The following PCDHGA3 variants were observed in gnomAD, a reference collection of about 807,000 sequenced individuals.
The protein encoded by PCDHGA3 is protocadherin gamma-A3.
Under a neutral mutation model 58.5 loss-of-function variants are expected in PCDHGA3, and 40 were observed. The ratio of observed to expected loss-of-function variants is 0.68; its 90% confidence interval spans 0.53 to 0.89. The LOEUF (loss-of-function observed/expected upper bound fraction) is 0.89, where lower values mean the gene tolerates loss of function less well. Among genes scored for constraint, PCDHGA3 ranks in the 40% least tolerant of loss-of-function variants. PCDHGA3 has a pLI of 0.00. For missense variants in PCDHGA3, 1,223 were observed against 1,195.9 expected (o/e 1.02, Z -0.33); for synonymous variants, 530 against 525.7 (o/e 1.01, Z -0.11).
chr5:141,478,560 A>G, intron 1 of PCDHGA3: 1 of 1,598,736 alleles, frequency 6.3e-7, no homozygotes, highest in Non-Finnish European at 8.5e-7. Flanking sequence ...AGGTTTAGCA[A>G]GTCATGCTTG....
rs1027897777 is a variant in PCDHGA3, at chr5:141,510,812, C to T, written c.2573-135C>T. 151 of 1,531,674 alleles carry T rather than the reference C, an allele frequency of 9.9e-5. 1 individual carries two copies. The highest frequency in any genetic ancestry group is 2.5e-5 in the South Asian group (2 of 80,152). 94.9% of individuals were successfully genotyped at this position (1,531,674 alleles called of 1,614,324 possible). A position where few individuals can be genotyped will look rare whatever the true frequency, so the allele number is the denominator to read the frequency against. On this transcript the variant is annotated intron_variant, in intron 3 of 3. Coordinates refer to ENST00000253812, the MANE Select transcript of PCDHGA3 (RefSeq NM_018916.4). ...TGTGAAGAGAGACTACCTTGGTGAC[C>T]CCTATATTCCCAGTGCTCAGCGTGG...
intron 1 of PCDHGA3, chr5:141,362,062 C>G (rs1392359513): frequency 6.2e-7 from 1 of 1,612,314 alleles, no homozygotes; most frequent in African/African-American, 1.3e-5. Context: ...CCAGCGCCTG[C>G]TGGTCGCTGT....
intron 1 of PCDHGA3, chr5:141,410,011 G>T (rs2095347816): frequency 6.2e-7 from 1 of 1,613,184 alleles, no homozygotes; most frequent in South Asian, 1.1e-5. Context: ...ACAACGCCTG[G>T]CTGTCCTACC....
At chr5:141,403,172 C>G (rs1230059414) in intron 1 of PCDHGA3, 13 of 1,613,900 alleles carry the variant, frequency 8.1e-6, no homozygotes, top group Non-Finnish European at 1.1e-5. Flanking sequence ...TAGGACGCAG[C>G]TTTTCTCTCT....
At chr5:141,419,542 G>C (rs771168003) in intron 1 of PCDHGA3, 3 of 1,612,016 alleles carry the variant, frequency 1.9e-6, no homozygotes, top group South Asian at 2.2e-5. Flanking sequence ...ACGCACCGCG[G>C]GTGCTGTACC....
rs1446853595 is a variant in PCDHGA3 at position 141,491,363 on chromosome 5, C to A, written c.2425-3444C>A. The A allele has an allele frequency of 1.2e-6, 2 of 1,614,182 alleles. No homozygotes were observed. Among genetic ancestry groups the A allele is most frequent in the South Asian group, 2.2e-5 (2 of 91,082 alleles). On this transcript the variant is annotated intron_variant, in intron 1 of 3. Coordinates refer to ENST00000253812, the MANE Select transcript of PCDHGA3 (RefSeq NM_018916.4). The surrounding 1 kb of genome is among the most constrained non-coding windows in gnomAD (Gnocchi z 6.9). ...ACCGTCAGTCTCTTATCCCTAGTCA[C>A]CTTCACCTTTCTGTCAGCGAAGTGC...
chr5:141,394,805 G>A, intron 1 of PCDHGA3: 1 of 1,613,860 alleles, frequency 6.2e-7, no homozygotes, highest in Non-Finnish European at 8.5e-7. Context: ...CCGTAGCCGT[G>A]GCTGACAGCA....
chr5:141,413,690 A>T lies in PCDHGA3; in HGVS notation c.2424+67233A>T, dbSNP rs553462819. On this transcript the variant is annotated intron_variant, in intron 1 of 3. Transcript: ENST00000253812. ...CCGGATGTGGGCGTGAACTCCCTGC[A>T]GAGCTATCAGCTCAGCCCCAATAAG... 9.9e-6 allele frequency: 16 copies of T among 1,613,702 alleles called. No individual in the cohort carries two copies. The East Asian group carries it at 2.9e-4, about 29-fold the overall frequency.
chr5:141,511,093 G>A lies in PCDHGA3; in HGVS notation c.2719G>A (p.Ala907Thr), dbSNP rs377350933. The change falls in exon 4 of 4, where the codon GCA (alanine) becomes ACA (threonine). Residue 907 changes from alanine to threonine, a missense_variant. Physicochemically the swap from Ala to Thr is moderately conservative, Grantham distance 58. Coordinates refer to ENST00000253812, the MANE Select transcript of PCDHGA3 (RefSeq NM_018916.4). Reference protein sequence around the residue: ...IPGSNATLTNAAGKRDGKAPA... With the variant: ...IPGSNATLTNTAGKRDGKAPA... ...AGGCAGCAATGCCACACTGACCAACGCAGCTGGCAAGCGGGATGGCAAGGC... is the reference window on the plus strand; with the variant it reads ...AGGCAGCAATGCCACACTGACCAACACAGCTGGCAAGCGGGATGGCAAGGC... 8 of 1,614,072 alleles carry A rather than the reference G, an allele frequency of 5.0e-6. No individual in the cohort carries two copies. Among genetic ancestry groups the A allele is most frequent in the African/African-American group, 4.0e-5 (3 of 74,916 alleles).
At chr5:141,459,236 G>A (rs1248794102) in intron 1 of PCDHGA3, among the ~76,000 whole-genome samples, 2 of 152,176 alleles carry the variant, frequency 1.3e-5, no homozygotes, top group African/African-American at 2.4e-5. Context: ...CAACTGGTCT[G>A]CTTCCTGTCA....
chr5:141,414,427 C>G lies in PCDHGA3; in HGVS notation c.2424+67970C>G, dbSNP rs766147938. The G allele has an allele frequency of 6.2e-6, 10 of 1,613,684 alleles. No individual in the cohort carries two copies. The highest frequency in any genetic ancestry group is 1.6e-4 in the Middle Eastern group (1 of 6,084). On this transcript the variant is annotated intron_variant, in intron 1 of 3. Coordinates refer to ENST00000253812, the MANE Select transcript of PCDHGA3 (RefSeq NM_018916.4). ...GATACACAGAGCCCTTGACAGGGAA[C>G]AGGTATCCTCTTACAATATCACAGT... is the stretch of plus-strand genomic sequence containing the variant.
chr5:141,465,689 C>A (rs2099107540), intron 1 of PCDHGA3, among the ~76,000 whole-genome samples: 1 of 152,162 alleles, frequency 6.6e-6, no homozygotes, highest in African/African-American at 2.4e-5. Context: ...GACCAGTCTG[C>A]TTTTGCATTG....
chr5:141,362,225 C>T, intron 1 of PCDHGA3: 1 of 1,614,040 alleles, frequency 6.2e-7, no homozygotes, highest in Non-Finnish European at 8.5e-7. Context: ...GTGGCCTTGG[C>T]CTTGATCTCA....
chr5:141,436,220 T>C (rs1179034537), intron 1 of PCDHGA3, among the ~76,000 whole-genome samples: 2 of 152,096 alleles, frequency 1.3e-5, no homozygotes, highest in Non-Finnish European at 2.9e-5. Flanking sequence ...ACAAATGACT[T>C]GGGAAACTAA....
chr5:141,490,641 G>A lies in PCDHGA3; in HGVS notation c.2425-4166G>A. 3 of 1,614,160 alleles carry A rather than the reference G, an allele frequency of 1.9e-6. No homozygotes were observed. On this transcript the variant is annotated intron_variant, in intron 1 of 3. Transcript: ENST00000253812. This position sits in a 1 kb window ranked among gnomAD's most constrained non-coding sequence, Gnocchi z 5.4. Reference sequence around the variant, plus strand: ...ACACTGCTTACATCCTAGAAAACCGGCCTCCGGGCTCCCTTCTTTGCACTG... The same window carrying A: ...ACACTGCTTACATCCTAGAAAACCGACCTCCGGGCTCCCTTCTTTGCACTG...
At chr5:141,456,731 G>A (rs1282690673) in intron 1 of PCDHGA3, among the ~76,000 whole-genome samples, 1 of 152,214 alleles carries the variant, frequency 6.6e-6, no homozygotes, top group Non-Finnish European at 1.5e-5. Flanking sequence ...TTGGGAGGCT[G>A]AGGCGGGAGC....
chr5:141,395,542 T>TTGTTTGTGTGTG (rs1267535064), intron 1 of PCDHGA3: 12 of 168,716 alleles, frequency 7.1e-5, no homozygotes, highest in African/African-American at 6.9e-4. Flanking sequence ...TTGCTATTGT[T>TTGTTTGTGTGTG]TGTGTGTGTG....
At position 141,487,507 on chromosome 5, in the gene PCDHGA3, A is replaced by C; in HGVS notation, c.2425-7300A>C. 6.2e-7 allele frequency: 1 copy of C among 1,614,138 alleles called. No individual in the cohort carries two copies. Among genetic ancestry groups the C allele is most frequent in the Non-Finnish European group, 8.5e-7 (1 of 1,180,028 alleles). On this transcript the variant is annotated intron_variant, in intron 1 of 3. Coordinates refer to ENST00000253812, the MANE Select transcript of PCDHGA3 (RefSeq NM_018916.4). This position sits in a 1 kb window ranked among gnomAD's most constrained non-coding sequence, Gnocchi z 5.0. ...ATGGCTGTACACCCTTGGCTTCTGC[A>C]CCCACTCGGAGTGATAGCTTCATGA...
In PCDHGA3 at chr5:141,487,414, T is replaced by C; in HGVS notation, c.2425-7393T>C. On this transcript the variant is annotated intron_variant, in intron 1 of 3. Coordinates refer to ENST00000253812, the MANE Select transcript of PCDHGA3 (RefSeq NM_018916.4). This position sits in a 1 kb window ranked among gnomAD's most constrained non-coding sequence, Gnocchi z 5.0. The stretch of plus-strand genomic sequence containing the variant: ...GGAGGGAGGGGCTTCCCCCTTCCAA[T>C]GGGATCCTCCGAATCCAGCTAGGGT... 3.7e-6 allele frequency: 6 copies of C among 1,614,174 alleles called. No individual in the cohort carries two copies. The highest frequency in any genetic ancestry group is 5.1e-6 in the Non-Finnish European group (6 of 1,180,006).
Sources: allele counts gnomAD v4.1 joint callset (sites outside exome capture counted in the v4.1 genomes callset), GRCh38; gene constraint gnomAD v4.1.1; non-coding constraint Gnocchi (gnomAD v3.1); transcripts MANE v1.5; gene names NCBI Gene and HGNC (gene_info 2026-07-23, HGNC 2026-07-21).